LINGO1: variants seen among roughly 807,000 people sequenced by gnomAD.
LINGO1 encodes leucine-rich repeat and immunoglobulin-like domain-containing nogo receptor-interacting protein 1.
Under a neutral mutation model 37.3 loss-of-function variants are expected in LINGO1, and 11 were observed. The ratio of observed to expected loss-of-function variants is 0.29; its 90% confidence interval spans 0.19 to 0.49. The LOEUF (loss-of-function observed/expected upper bound fraction) is 0.49. Among genes scored for constraint, LINGO1 ranks in the 20% least tolerant of loss-of-function variants. LINGO1 has a pLI of 0.99. For synonymous variants in LINGO1, 387 were observed against 403.0 expected (o/e 0.96, Z 0.48); for missense variants, 585 against 878.2 (o/e 0.67, Z 4.22).
At chr15:77,793,234 G>T (rs1363009193) in intron 2 of LINGO1, among the ~76,000 whole-genome samples, 1 of 152,136 alleles carries the variant, frequency 6.6e-6, no homozygotes, top group African/African-American at 2.4e-5. Flanking sequence ...AAACACCACG[G>T]ATCCCACCAC....
chr15:77,646,949 C>T (rs577863435), intron 3 of LINGO1, among the ~76,000 whole-genome samples: 11 of 152,264 alleles, frequency 7.2e-5, no homozygotes, highest in African/African-American at 2.6e-4. Context: ...CTGTGAGTAT[C>T]CCCACTTTAC....
intron 1 of LINGO1, among the ~76,000 whole-genome samples, chr15:77,766,203 C>T (rs1267895639): frequency 1.3e-5 from 2 of 148,766 alleles, no homozygotes; most frequent in Admixed American, 6.8e-5. Context: ...GAGGCTGAGG[C>T]AGGAGGATCG....
chr15:77,681,121 C>A (rs942280011), intron 2 of LINGO1, among the ~76,000 whole-genome samples: 5 of 152,006 alleles, frequency 3.3e-5, no homozygotes, highest in African/African-American at 1.2e-4. Context: ...AAAGTCATAC[C>A]GGAAACCAGC....
rs940982534 is a variant in LINGO1, at chr15:77,735,387, C to A, written c.-256-334G>T. Among the ~76,000 whole-genome samples the A allele has an allele frequency of 6.6e-5, 10 of 152,370 alleles. No homozygotes were observed. In the East Asian group the frequency reaches 1.9e-3, roughly 29 times the overall value. On this transcript the variant is annotated intron_variant, in intron 1 of 3. Coordinates refer to the LINGO1 transcript ENST00000561686. Reference sequence around the variant, plus strand: ...TATCCAAACCTGTGTGCAGCGGAAGCCACAGTTCTCTGGTTCCTGGACACA... The same window carrying A: ...TATCCAAACCTGTGTGCAGCGGAAGACACAGTTCTCTGGTTCCTGGACACA...
chr15:77,699,055 C>G (rs2075733938), upstream of LINGO1, among the ~76,000 whole-genome samples: 1 of 152,044 alleles, frequency 6.6e-6, no homozygotes, highest in Non-Finnish European at 1.5e-5. Context: ...CCAAGGGCAG[C>G]CTGACTGCCT....
chr15:77,755,691 C>G (rs28708729), intron 1 of LINGO1, among the ~76,000 whole-genome samples: 34,030 of 152,032 alleles, frequency 0.22, 6,949 homozygotes, highest in African/African-American at 0.55. Context: ...CGGACCCCCA[C>G]CTGCATTTCA....
At chr15:77,786,268 A>C (rs2076769939) in intron 1 of LINGO1, among the ~76,000 whole-genome samples, 1 of 152,086 alleles carries the variant, frequency 6.6e-6, no homozygotes, top group South Asian at 2.1e-4. Context: ...GAGGAAAAAG[A>C]GGTCCAGAGA....
At chr15:77,753,563 T>TGA (rs947113343) in intron 1 of LINGO1, among the ~76,000 whole-genome samples, 1 of 152,188 alleles carries the variant, frequency 6.6e-6, no homozygotes, top group African/African-American at 2.4e-5. Flanking sequence ...AGGGTGCAGC[T>TGA]GAGAGAGAGA....
Position 77,750,236 on chromosome 15 carries a change from C to T in LINGO1, c.-256-15183G>A, listed in dbSNP as rs116380241. On this transcript the variant is annotated intron_variant, in intron 1 of 3. Coordinates refer to the LINGO1 transcript ENST00000561686. ...GGGTCGGGGGACACCTGCTGCCTTC[C>T]CGTGAGGCCGCCTCCTGCTCCCTTC... Among the ~76,000 whole-genome samples the T allele has an allele frequency of 3.5e-3, 534 of 152,276 alleles. 5 individuals are homozygous for T. The highest frequency in any genetic ancestry group is 0.013 in the African/African-American group (523 of 41,544).
chr15:77,732,612 T>A (rs1185958290), intron 2 of LINGO1, among the ~76,000 whole-genome samples: 1 of 152,224 alleles, frequency 6.6e-6, no homozygotes, highest in African/African-American at 2.4e-5. Context: ...AGGCTTCACA[T>A]GTGCAGTCCC....
At chr15:77,659,698 G>C (rs1405703008) in intron 3 of LINGO1, among the ~76,000 whole-genome samples, 1 of 152,242 alleles carries the variant, frequency 6.6e-6, no homozygotes, top group African/African-American at 2.4e-5. Context: ...CACAGGAACA[G>C]AGGAGTGGTC....
intron 1 of LINGO1, among the ~76,000 whole-genome samples, chr15:77,803,107 T>TA (rs1264687409): frequency 6.6e-6 from 1 of 152,176 alleles, no homozygotes; most frequent in African/African-American, 2.4e-5. Context: ...AGCCTCTCCC[T>TA]ACAGGGCTGG....
intron 2 of LINGO1, among the ~76,000 whole-genome samples, chr15:77,727,071 C>T (rs576429074): frequency 4.6e-5 from 7 of 152,062 alleles, no homozygotes; most frequent in East Asian, 1.9e-4. Flanking sequence ...ATGGTCACTA[C>T]GGAAAGAAAA....
intron 2 of LINGO1, among the ~76,000 whole-genome samples, chr15:77,701,850 A>G (rs2075787737): frequency 6.6e-6 from 1 of 152,132 alleles, no homozygotes. Context: ...CCATGACCCA[A>G]ACATACTCCT....
chr15:77,764,980 T>G (rs925356401), intron 1 of LINGO1, among the ~76,000 whole-genome samples: 1 of 152,184 alleles, frequency 6.6e-6, no homozygotes, highest in African/African-American at 2.4e-5. Flanking sequence ...TTACCTCCAC[T>G]TCCTTCCAAA....
At chr15:77,743,221 C>T (rs1025765174) in intron 1 of LINGO1, among the ~76,000 whole-genome samples, 6 of 152,174 alleles carry the variant, frequency 3.9e-5, no homozygotes, top group African/African-American at 1.2e-4. Flanking sequence ...TTCCCTCCTC[C>T]CTCCATCCAC....
chr15:77,638,640 C>A (rs184104495), upstream of LINGO1, among the ~76,000 whole-genome samples: 5 of 152,280 alleles, frequency 3.3e-5, no homozygotes, highest in Middle Eastern at 3.4e-3. Context: ...TAAGTCGGAG[C>A]CTGTTATTAA....
At chr15:77,715,773 T>A (rs2075976396) in intron 2 of LINGO1, among the ~76,000 whole-genome samples, 1 of 152,196 alleles carries the variant, frequency 6.6e-6, no homozygotes, top group African/African-American at 2.4e-5. Context: ...TTTCTGCCTG[T>A]CCCCAACAGG....
At chr15:77,752,825 C>T (rs543254900) in intron 1 of LINGO1, among the ~76,000 whole-genome samples, 14 of 152,340 alleles carry the variant, frequency 9.2e-5, no homozygotes, top group African/African-American at 3.4e-4. Context: ...CTCACTGCCA[C>T]CAGCTGCCCT....
Sources: allele counts gnomAD v4.1 joint callset (sites outside exome capture counted in the v4.1 genomes callset), GRCh38; gene constraint gnomAD v4.1.1; transcripts MANE v1.5; gene names NCBI Gene and HGNC (gene_info 2026-07-23, HGNC 2026-07-21).